CFAP54: variants seen among roughly 807,000 people sequenced by gnomAD.
CFAP54 encodes cilia and flagella associated protein 54.
In CFAP54, 290 loss-of-function variants were observed where a neutral mutation model predicts 370.4. That is an observed-to-expected ratio of 0.78 (90% CI 0.71 to 0.86). CFAP54 has a LOEUF of 0.86. Among genes scored for constraint, CFAP54 ranks in the 40% least tolerant of loss-of-function variants. The pLI is 0.00. For synonymous variants in CFAP54, 1,206 were observed against 1,236.5 expected (o/e 0.98, Z 0.52); for missense variants, 3,399 against 3,528.7 (o/e 0.96, Z 0.93).
At chr12:96,724,584 CA>C (rs1160604921) in intron 50 of CFAP54, among the ~76,000 whole-genome samples, 13 of 151,996 alleles carry the variant, frequency 8.6e-5, no homozygotes, top group Non-Finnish European at 1.6e-4. Flanking sequence ...AGCCCTTTGT[CA>C]GATGAGTAGG....
In CFAP54 at chr12:96,737,135, G is replaced by T. The variant is rs2136635442; in HGVS notation, c.6966-2821G>T. Among the ~76,000 whole-genome samples, 3 of 152,210 alleles carry T rather than the reference G, an allele frequency of 2.0e-5. 1 individual carries two copies. The Middle Eastern group carries it at 0.01, about 518-fold the overall frequency. On this transcript the variant is annotated intron_variant, in intron 50 of 67. Transcript: ENST00000524981. ...AGTTTGGAATTTTTGCATTATTCTA[G>T]TTGAGCATCCCAAATCTGAAAATTT...
chr12:96,834,833 C>T (rs552762541), intron 66 of CFAP54, among the ~76,000 whole-genome samples: 7 of 152,272 alleles, frequency 4.6e-5, no homozygotes, highest in Non-Finnish European at 8.8e-5. Flanking sequence ...TCTTATCCTA[C>T]GACTAGGAAG....
At chr12:96,518,294 G>C (rs1268899590) in intron 5 of CFAP54, among the ~76,000 whole-genome samples, 1 of 152,118 alleles carries the variant, frequency 6.6e-6, no homozygotes, top group Non-Finnish European at 1.5e-5. Flanking sequence ...ATCATATACT[G>C]GTTCCAGGCC....
intron 3 of CFAP54, among the ~76,000 whole-genome samples, chr12:96,505,006 CTTT>C (rs1955080047): frequency 2.2e-5 from 3 of 138,802 alleles, no homozygotes; most frequent in African/African-American, 8.0e-5. Context: ...TTCTTTCTTT[CTTT>C]CTTTCTTTTT....
At chr12:96,773,672 A>G (rs1207271476) in intron 60 of CFAP54, among the ~76,000 whole-genome samples, 3 of 152,034 alleles carry the variant, frequency 2.0e-5, no homozygotes, top group Admixed American at 2.0e-4. Context: ...TATCTTGACA[A>G]TTTTTCCAAA....
At chr12:96,493,138 C>T (rs1003382183) in intron 1 of CFAP54, among the ~76,000 whole-genome samples, 1 of 152,198 alleles carries the variant, frequency 6.6e-6, no homozygotes, top group Non-Finnish European at 1.5e-5. Context: ...ATTGGATTGA[C>T]ATGTGCCTTA....
intron 63 of CFAP54, among the ~76,000 whole-genome samples, chr12:96,806,608 G>A (rs965402847): frequency 2.6e-5 from 4 of 152,070 alleles, no homozygotes; most frequent in African/African-American, 9.7e-5. Flanking sequence ...AAGACTTAGG[G>A]TTCCTGGGAA....
At chr12:96,769,754 G>A (rs994814667) in intron 60 of CFAP54, among the ~76,000 whole-genome samples, 11 of 152,232 alleles carry the variant, frequency 7.2e-5, no homozygotes, top group Admixed American at 4.6e-4. Context: ...ATACACCTGC[G>A]CTCTAAACTC....
At chr12:96,590,299 A>G (rs1956112506) in intron 23 of CFAP54, among the ~76,000 whole-genome samples, 1 of 152,202 alleles carries the variant, frequency 6.6e-6, no homozygotes, top group African/African-American at 2.4e-5. Context: ...AACTGCAAAT[A>G]GGCCAGTAGA....
chr12:96,774,860 T>G (rs905867152), intron 60 of CFAP54, among the ~76,000 whole-genome samples: 3 of 152,174 alleles, frequency 2.0e-5, no homozygotes, highest in Admixed American at 6.5e-5. Flanking sequence ...TATTGTATTA[T>G]AATTTAAAAA....
chr12:96,694,501 A>G (rs1381647273), intron 45 of CFAP54, among the ~76,000 whole-genome samples: 3 of 151,320 alleles, frequency 2.0e-5, no homozygotes, highest in African/African-American at 4.9e-5. Flanking sequence ...ACACACACAC[A>G]CGCGCACACA....
At chr12:96,656,880 A>G (rs1956928732) in intron 36 of CFAP54, among the ~76,000 whole-genome samples, 2 of 152,360 alleles carry the variant, frequency 1.3e-5, no homozygotes, top group South Asian at 4.1e-4. Context: ...TTTTAAAAGT[A>G]TGTCCCATGT....
intron 46 of CFAP54, among the ~76,000 whole-genome samples, chr12:96,703,480 G>A (rs1449902529): frequency 4.6e-5 from 7 of 152,038 alleles, no homozygotes; most frequent in Admixed American, 3.3e-4. Context: ...GGTGACCAAG[G>A]GGGATGAGGG....
intron 65 of CFAP54, among the ~76,000 whole-genome samples, chr12:96,828,002 T>A (rs1222770624): frequency 2.5e-5 from 3 of 121,472 alleles, no homozygotes; most frequent in African/African-American, 9.5e-5. Flanking sequence ...TTATATATAA[T>A]ATATAATTAT....
intron 62 of CFAP54, among the ~76,000 whole-genome samples, chr12:96,787,741 G>C (rs1386694882): frequency 6.6e-6 from 1 of 152,190 alleles, no homozygotes. Flanking sequence ...TAGAGAAACA[G>C]TGACAGGGTT....
At chr12:96,829,145 A>C in intron 66 of CFAP54, 57 bp downstream of exon 66, 4 of 966,404 alleles carry the variant, frequency 4.1e-6, no homozygotes, top group South Asian at 1.7e-5. Flanking sequence ...TATTGCTATG[A>C]AATGGAAATA....
chr12:96,519,849 C>T (rs1444869986), intron 6 of CFAP54, among the ~76,000 whole-genome samples: 1 of 152,142 alleles, frequency 6.6e-6, no homozygotes. Flanking sequence ...CTATGATCAC[C>T]ATGCTGTGCA....
chr12:96,837,912 T>C (rs1431357470), intron 66 of CFAP54, among the ~76,000 whole-genome samples: 1 of 152,206 alleles, frequency 6.6e-6, no homozygotes, highest in Non-Finnish European at 1.5e-5. Flanking sequence ...GGCCTGAGAA[T>C]TAAGCAGCAC....
At chr12:96,606,645 A>G (rs1371722447) in intron 26 of CFAP54, among the ~76,000 whole-genome samples, 13 of 152,094 alleles carry the variant, frequency 8.5e-5, no homozygotes, top group Non-Finnish European at 1.5e-5. Context: ...CTCTTTTTCA[A>G]TTTTTATTTT....
Sources: gnomAD v4.1 joint callset for allele counts (sites outside exome capture counted in the v4.1 genomes callset) on GRCh38, gnomAD v4.1.1 for gene constraint, MANE v1.5 for transcripts, NCBI Gene and HGNC (gene_info 2026-07-23, HGNC 2026-07-21) for gene names.